PGAP4: variants seen among roughly 807,000 people sequenced by gnomAD.
PGAP4 encodes the protein GPI-N-acetylgalactosamine transferase PGAP4.
In PGAP4, 12 loss-of-function variants were observed where a neutral mutation model predicts 28.2. That is an observed-to-expected ratio of 0.42 (90% confidence interval 0.27 to 0.69). The LOEUF (loss-of-function observed/expected upper bound fraction) is 0.69. Among genes scored for constraint, PGAP4 ranks in the 30% least tolerant of loss-of-function variants. The pLI is 0.22. For synonymous variants in PGAP4, 205 were observed against 211.8 expected, an observed-to-expected ratio of 0.97 and a Z score of 0.28; for missense variants, 425 against 513.5, an observed-to-expected ratio of 0.83 and a Z score of 1.67.
chr9:101,474,996 T>C lies in PGAP4; in HGVS notation c.*885A>G, dbSNP rs1826255958. The C allele has an allele frequency of 6.6e-6, 1 of 151,614 alleles. No individual in the cohort carries two copies. The highest frequency in any genetic ancestry group is 1.5e-5 in the Non-Finnish European group (1 of 67,916). The allele number at this position is 151,614 out of a possible 1,614,324, so 9.4% of individuals were successfully genotyped here. A position where few individuals can be genotyped will look rare whatever the true frequency, so the allele number is the denominator to read the frequency against. On this transcript the variant is annotated 3_prime_UTR_variant, in exon 2 of 2. Coordinates refer to ENST00000374848, the MANE Select transcript of PGAP4 (RefSeq NM_032342.3). ...CTGACTTCAGTCCATGATTTTTTTTTTTTTTTTTCTATAACATCATGCTAC... is the reference window on the plus strand; with the variant it reads ...CTGACTTCAGTCCATGATTTTTTTTCTTTTTTTTCTATAACATCATGCTAC...
chr9:101,508,615 C>G (rs568980477), intron 2 of PGAP4, among the ~76,000 whole-genome samples: 1 of 152,150 alleles, frequency 6.6e-6, no homozygotes, highest in Non-Finnish European at 1.5e-5. Context: ...GGTCCTCAAC[C>G]TTTTTGGTGA....
At chr9:101,477,753 C>T (rs538341653) in intron 1 of PGAP4, among the ~76,000 whole-genome samples, 1 of 152,334 alleles carries the variant, frequency 6.6e-6, no homozygotes, top group South Asian at 2.1e-4. Context: ...CTATACTTAA[C>T]ATTGCATATT....
At chr9:101,501,578 A>C in intron 2 of PGAP4, 6 of 434,934 alleles carry the variant, frequency 1.4e-5, no homozygotes, top group Non-Finnish European at 2.8e-5. Flanking sequence ...GGTTAAGTGG[A>C]AAATTGTGTG....
rs918478015 is a variant in PGAP4 at position 101,473,952 on chromosome 9, G to A, written c.*1929C>T. ...GGACATTGCTGGGGGATACATAACA[G>A]CTCACTATAACATTACAACACATAC... On this transcript the variant is annotated 3_prime_UTR_variant, in exon 2 of 2. Coordinates refer to ENST00000374848, the MANE Select transcript of PGAP4 (RefSeq NM_032342.3). The A allele has an allele frequency of 6.6e-6, 1 of 152,062 alleles. No homozygotes were observed. The highest frequency in any genetic ancestry group is 6.6e-5 in the Admixed American group (1 of 15,262). The allele number at this position is 152,062 out of a possible 1,614,324, so 9.4% of individuals were successfully genotyped here.
At chr9:101,522,582 TCTTTA>T (rs1826998101) in intron 2 of PGAP4, among the ~76,000 whole-genome samples, 1 of 152,174 alleles carries the variant, frequency 6.6e-6, no homozygotes, top group African/African-American at 2.4e-5. Context: ...TTTTTCCACG[TCTTTA>T]CTTTAAGTTT....
chr9:101,492,263 G>A lies in PGAP4; in HGVS notation c.-164-3063C>T, dbSNP rs528739578. 9.6e-4 allele frequency among the ~76,000 whole-genome samples: 145 copies of A among 151,542 alleles called. 1 individual carries two copies. The highest frequency in any genetic ancestry group is 3.2e-3 in the African/African-American group (134 of 41,284). Reference sequence around the variant, plus strand: ...GGCTGGAGTGCAGTGGCACGATCTCGGCTCACTGCAACCTCTGCCTCCCGG... The same window carrying A: ...GGCTGGAGTGCAGTGGCACGATCTCAGCTCACTGCAACCTCTGCCTCCCGG... On this transcript the variant is annotated intron_variant, in intron 2 of 3. Coordinates refer to the PGAP4 transcript ENST00000374851.
At chr9:101,477,230 A>C in intron 1 of PGAP4, 61 bp from the exon 2 acceptor site, 1 of 1,305,518 alleles carries the variant, frequency 7.7e-7, no homozygotes, top group Non-Finnish European at 1.0e-6. Context: ...AAACAAACAA[A>C]CAAAAAAACA....
At chr9:101,485,113 G>GTGTA (rs1826583500) in intron 1 of PGAP4, among the ~76,000 whole-genome samples, 2 of 151,914 alleles carry the variant, frequency 1.3e-5, no homozygotes, top group Non-Finnish European at 2.9e-5. Flanking sequence ...ATTAAATGAT[G>GTGTA]TATATATATA....
chr9:101,480,193 A>AC, intron 1 of PGAP4, among the ~76,000 whole-genome samples: 1 of 152,148 alleles, frequency 6.6e-6, no homozygotes, highest in Non-Finnish European at 1.5e-5. Context: ...ATTACACACT[A>AC]CACGAATAAG....
intron 1 of PGAP4, 111 bp from the exon 2 acceptor site, chr9:101,477,280 A>C: frequency 1.4e-6 from 1 of 720,870 alleles, no homozygotes; most frequent in Non-Finnish European, 2.0e-6. Flanking sequence ...CAAACCAGAA[A>C]TTATAATAGG....
intron 2 of PGAP4, among the ~76,000 whole-genome samples, chr9:101,513,450 A>C (rs1337645174): frequency 6.6e-6 from 1 of 152,232 alleles, no homozygotes; most frequent in Non-Finnish European, 1.5e-5. Flanking sequence ...ATCTAGGAAC[A>C]GTCAGACCTG....
intron 2 of PGAP4, among the ~76,000 whole-genome samples, chr9:101,509,572 A>T (rs1010429800): frequency 1.3e-5 from 2 of 152,152 alleles, no homozygotes; most frequent in African/African-American, 4.8e-5. Flanking sequence ...TGTATATAAG[A>T]GAAGGCCTGT....
At chr9:101,519,035 T>C (rs571128018) in intron 2 of PGAP4, among the ~76,000 whole-genome samples, 10 of 152,334 alleles carry the variant, frequency 6.6e-5, no homozygotes, top group South Asian at 6.2e-4. Context: ...TATCACATTG[T>C]GGTTTTGATT....
intron 1 of PGAP4, among the ~76,000 whole-genome samples, chr9:101,532,445 GTTC>G (rs1827107083): frequency 6.6e-6 from 1 of 152,036 alleles, no homozygotes; most frequent in South Asian, 2.1e-4. Flanking sequence ...GTTCATTTTT[GTTC>G]TTGTTTTTAA....
intron 1 of PGAP4, among the ~76,000 whole-genome samples, chr9:101,482,878 C>A (rs67611342): frequency 0.044 from 6,628 of 152,254 alleles, 198 homozygotes; most frequent in East Asian, 0.14. Flanking sequence ...TTATTAAGGC[C>A]ATACTACATA....
rs138246997 is a variant in PGAP4 at position 101,476,132 on chromosome 9, G to C, written c.961C>G (p.Pro321Ala). ...HYFLELRRLSPSLYSVVPASQ... is the reference protein window; with the variant it reads ...HYFLELRRLSASLYSVVPASQ... The stretch of plus-strand genomic sequence containing the variant: ...GCAGGAACCACACTGTACAGGGAAG[G>C]ACTCAGCCGCCGCAGTTCCAGGAAA... Residue 321 changes from proline to alanine, a missense_variant, in exon 2 of 2, where the codon CCT becomes GCT. By Grantham distance (27) the Pro-to-Ala change is conservative. Transcript: ENST00000374848. This position sits in a 1 kb window ranked among gnomAD's most constrained non-coding sequence, Gnocchi z 7.0. 4.0e-5 allele frequency: 65 copies of C among 1,613,930 alleles called. No homozygotes were observed. Among genetic ancestry groups the C allele is most frequent in the Non-Finnish European group, 5.5e-5 (65 of 1,179,966 alleles).
chr9:101,528,396 T>C (rs1381643185), intron 2 of PGAP4, among the ~76,000 whole-genome samples: 1 of 152,162 alleles, frequency 6.6e-6, no homozygotes, highest in African/African-American at 2.4e-5. Context: ...CTCCTTTACC[T>C]AGTTTGACAA....
chr9:101,476,015 A>G lies in PGAP4; in HGVS notation c.1078T>C (p.Phe360Leu), dbSNP rs770775297. ...GAGTACAGTGCCATGTCCTTGCCAAAGCCCTTGTGGCAGTACACTTGGGAC... is the reference window on the plus strand; with the variant it reads ...GAGTACAGTGCCATGTCCTTGCCAAGGCCCTTGTGGCAGTACACTTGGGAC... ...YLSQVYCHKG[F>L]GKDMALYSLL... The change falls in exon 2 of 2, where the codon TTT becomes CTT. Residue 360 changes from phenylalanine to leucine, a missense_variant. Phe to Leu is a conservative substitution (Grantham distance 22). Coordinates refer to ENST00000374848, the MANE Select transcript of PGAP4 (RefSeq NM_032342.3). This position sits in a 1 kb window ranked among gnomAD's most constrained non-coding sequence, Gnocchi z 7.0. 8.1e-6 allele frequency: 13 copies of G among 1,614,150 alleles called. No homozygotes were observed. In the South Asian group the frequency reaches 1.4e-4, roughly 18 times the overall value.
At chr9:101,484,473 C>T (rs1826568204) in intron 1 of PGAP4, among the ~76,000 whole-genome samples, 1 of 152,168 alleles carries the variant, frequency 6.6e-6, no homozygotes, top group Admixed American at 6.5e-5. Flanking sequence ...GTTTGTCCTC[C>T]TCCTGCCCAG....
Sources: allele counts gnomAD v4.1 joint callset (sites outside exome capture counted in the v4.1 genomes callset), GRCh38; gene constraint gnomAD v4.1.1; non-coding constraint Gnocchi (gnomAD v3.1); transcripts MANE v1.5; gene names NCBI Gene and HGNC (gene_info 2026-07-23, HGNC 2026-07-21).